The following APAF1 variants were observed in gnomAD, a reference collection of about 807,000 sequenced individuals.
The protein encoded by APAF1 is apoptotic protease-activating factor 1.
Under a neutral mutation model 152.4 loss-of-function variants are expected in APAF1, and 91 were observed. The ratio of observed to expected loss-of-function variants is 0.60; its 90% CI spans 0.50 to 0.71. The LOEUF is 0.71. Ranked by LOEUF, APAF1 falls within the 30% of genes least tolerant of loss-of-function variation. The probability of loss-of-function intolerance (pLI) is 0.00; values close to 1 mark genes in which losing one functional copy is unlikely to be tolerated. For synonymous variants in APAF1, 484 were observed against 494.1 expected (o/e 0.98, Z 0.27); for missense variants, 1,283 against 1,472.0 (o/e 0.87, Z 2.10).
At position 98,686,976 on chromosome 12, in the gene APAF1, C is replaced by A. The variant is rs919006009; in HGVS notation, c.2304+103C>A. The A allele has an allele frequency of 4.5e-5, 54 of 1,191,650 alleles. 1 individual carries two copies. The highest frequency in any genetic ancestry group is 6.4e-5 in the Non-Finnish European group (53 of 824,326). 73.8% of individuals were successfully genotyped at this position (1,191,650 alleles called of 1,614,324 possible). ...TTTTTTCACATTTCTACAGAAAGAG[C>A]CTGCTTCTTTCAATTTCCAGGAGCA... On this transcript the variant is annotated intron_variant, in intron 16 of 26. Transcript: ENST00000551964.
chr12:98,647,606 G>A (rs1307670372), intron 1 of APAF1, among the ~76,000 whole-genome samples: 3 of 151,850 alleles, frequency 2.0e-5, no homozygotes, highest in Admixed American at 6.6e-5. Flanking sequence ...TCCTGACCTC[G>A]TGATCCACCC....
intron 16 of APAF1, among the ~76,000 whole-genome samples, chr12:98,697,693 A>G (rs1422103434): frequency 2.2e-4 from 33 of 152,196 alleles, no homozygotes; most frequent in Admixed American, 2.2e-3. Context: ...TTAAGTCAGT[A>G]TCATTGGTTG....
chr12:98,703,292 A>C, intron 17 of APAF1, 79 bp from the exon 18 acceptor site: 1 of 1,519,996 alleles, frequency 6.6e-7, no homozygotes, highest in Non-Finnish European at 9.1e-7. Flanking sequence ...CAGGACTTAT[A>C]TTTGAAATGG....
At chr12:98,687,191 C>T (rs919056208) in intron 16 of APAF1, among the ~76,000 whole-genome samples, 1 of 151,852 alleles carries the variant, frequency 6.6e-6, no homozygotes, top group African/African-American at 2.4e-5. Flanking sequence ...GGTGAAACCC[C>T]GTCTCTACTA....
rs1215248490 is a variant in APAF1, at chr12:98,645,720, A to T, written c.-157A>T. On this transcript the variant is annotated 5_prime_UTR_variant, in exon 1 of 27. Coordinates refer to ENST00000551964, the MANE Select transcript of APAF1 (RefSeq NM_181861.2). The stretch of plus-strand genomic sequence containing the variant: ...GGTATGTGGCGAGACAGAGCCCTGC[A>T]CCCCTAATTCCCGGTGGAAAACTCC... The T allele has an allele frequency of 1.3e-5, 2 of 152,116 alleles. No individual in the cohort carries two copies. The highest frequency in any genetic ancestry group is 2.9e-5 in the Non-Finnish European group (2 of 68,124). The allele number at this position is 152,116 out of a possible 1,614,324, so 9.4% of individuals were successfully genotyped here. A position where few individuals can be genotyped will look rare whatever the true frequency, so the allele number is the denominator to read the frequency against.
At chr12:98,667,262 A>AT (rs933800642) in intron 9 of APAF1, among the ~76,000 whole-genome samples, 2 of 151,446 alleles carry the variant, frequency 1.3e-5, no homozygotes, top group East Asian at 2.0e-4. Context: ...CACCTGACTG[A>AT]TTTTTTTTAT....
rs1027748990 is a variant in APAF1 at position 98,734,252 on chromosome 12, CTTCTT to C, written c.*1689_*1693del. 2 of 152,220 alleles carry C rather than the reference CTTCTT, an allele frequency of 1.3e-5. No homozygotes were observed. The highest frequency in any genetic ancestry group is 4.8e-5 in the African/African-American group (2 of 41,512). The allele number at this position is 152,220 out of a possible 1,614,324, so 9.4% of individuals were successfully genotyped here. ...TCTTTTCCTTCCTTCTTTCCTTTCT[CTTCTT>C]TTATCTCCAAGGTTAATCAGGAAAA... On this transcript the variant is annotated 3_prime_UTR_variant, in exon 27 of 27. Coordinates refer to ENST00000551964, the MANE Select transcript of APAF1 (RefSeq NM_181861.2).
At position 98,734,066 on chromosome 12, in the gene APAF1, A is replaced by G. The variant is rs2097765741; in HGVS notation, c.*1500A>G. 1 of 152,212 alleles carries G rather than the reference A, an allele frequency of 6.6e-6. No individual in the cohort carries two copies. The allele number at this position is 152,212 out of a possible 1,614,324, so 9.4% of individuals were successfully genotyped here. A position where few individuals can be genotyped will look rare whatever the true frequency, so the allele number is the denominator to read the frequency against. ...ATGTGAAATAGAACAATTTTCATCT[A>G]ATTCCATTTACTTTTAGATGAATGG... On this transcript the variant is annotated 3_prime_UTR_variant, in exon 27 of 27. Transcript: ENST00000551964.
At chr12:98,681,529 C>G (rs1017605962) in intron 14 of APAF1, among the ~76,000 whole-genome samples, 4 of 152,214 alleles carry the variant, frequency 2.6e-5, no homozygotes, top group Non-Finnish European at 5.9e-5. Flanking sequence ...GGGGTTAAAT[C>G]TGGAGTACTG....
At chr12:98,691,297 A>C (rs1028610366) in intron 16 of APAF1, among the ~76,000 whole-genome samples, 4 of 151,478 alleles carry the variant, frequency 2.6e-5, no homozygotes, top group African/African-American at 9.7e-5. Context: ...TTTCCTCTCT[A>C]TGTTGCTTCT....
At chr12:98,665,462 T>C in intron 7 of APAF1, 91 bp from the exon 8 acceptor site, 1 of 880,220 alleles carries the variant, frequency 1.1e-6, no homozygotes, top group Non-Finnish European at 1.9e-6. Context: ...GCAGCAGAAA[T>C]TGTTTCTTAG....
chr12:98,687,391 G>A (rs1034153597), intron 16 of APAF1, among the ~76,000 whole-genome samples: 1 of 151,530 alleles, frequency 6.6e-6, no homozygotes, highest in African/African-American at 2.4e-5. Flanking sequence ...CTGTAATGTA[G>A]AATTTTTATT....
intron 12 of APAF1, among the ~76,000 whole-genome samples, chr12:98,672,857 C>T (rs2097682014): frequency 6.6e-6 from 1 of 151,528 alleles, no homozygotes; most frequent in Admixed American, 6.6e-5. Context: ...TGGGTTCAAG[C>T]CATTCTCCTG....
intron 17 of APAF1, among the ~76,000 whole-genome samples, chr12:98,702,556 G>C (rs1207892712): frequency 6.6e-6 from 1 of 152,082 alleles, no homozygotes; most frequent in African/African-American, 2.4e-5. Context: ...TGGGCGTGGT[G>C]GCTCACACCG....
At chr12:98,687,049 G>A (rs1040998220) in intron 16 of APAF1, among the ~76,000 whole-genome samples, 176 bp downstream of exon 16, 7 of 152,162 alleles carry the variant, frequency 4.6e-5, no homozygotes, top group Non-Finnish European at 8.8e-5. Context: ...TTTATGAATG[G>A]TGTACAACCT....
At position 98,651,388 on chromosome 12, in the gene APAF1, G is replaced by A. The variant is rs561174454; in HGVS notation, c.526+1704G>A. ...AAATATGTATGTTGTTGGTATGCAGGTATTTTAAATTTGCATAGATGTTAT... is the reference window on the plus strand; with the variant it reads ...AAATATGTATGTTGTTGGTATGCAGATATTTTAAATTTGCATAGATGTTAT... On this transcript the variant is annotated intron_variant, in intron 4 of 26. Transcript: ENST00000551964. Among the ~76,000 whole-genome samples the A allele has an allele frequency of 8.5e-5, 13 of 152,208 alleles. No homozygotes were observed. In the South Asian group the frequency reaches 2.7e-3, roughly 32 times the overall value.
In APAF1 at chr12:98,665,500, T is replaced by C. The variant is rs2097671551; in HGVS notation, c.956-53T>C. 2.5e-6 allele frequency: 3 copies of C among 1,210,058 alleles called. No individual in the cohort carries two copies. In the South Asian group the frequency reaches 3.6e-5, roughly 15 times the overall value. The allele number at this position is 1,210,058 out of a possible 1,614,324, so 75.0% of individuals were successfully genotyped here. On this transcript the variant is annotated intron_variant, in intron 7 of 26. Coordinates refer to ENST00000551964, the MANE Select transcript of APAF1 (RefSeq NM_181861.2). Reference sequence around the variant, plus strand: ...ATGTAAGTAAGTAAGTCGATTCTTATTAGTGACAAAATAGGATGGTATTAG... The same window carrying C: ...ATGTAAGTAAGTAAGTCGATTCTTACTAGTGACAAAATAGGATGGTATTAG...
At chr12:98,719,044 G>T (rs1447858655) in intron 22 of APAF1, among the ~76,000 whole-genome samples, 1 of 152,072 alleles carries the variant, frequency 6.6e-6, no homozygotes, top group African/African-American at 2.4e-5. Flanking sequence ...CTACTCCATT[G>T]GATTCTATTC....
At chr12:98,683,339 T>G in intron 15 of APAF1, 65 bp downstream of exon 15, 1 of 1,501,842 alleles carries the variant, frequency 6.7e-7, no homozygotes, top group East Asian at 2.3e-5. Flanking sequence ...TCTCCTTTGA[T>G]TTTCTTATGT....
Sources: allele counts gnomAD v4.1 joint callset (sites outside exome capture counted in the v4.1 genomes callset), GRCh38; gene constraint gnomAD v4.1.1; transcripts MANE v1.5; gene names NCBI Gene and HGNC (gene_info 2026-07-23, HGNC 2026-07-21).